Variants in RIMS3 observed in about 807,000 individuals in gnomAD.
RIMS3 encodes the protein regulating synaptic membrane exocytosis 3, also known as regulating synaptic membrane exocytosis protein 3.
Under a neutral mutation model 29.2 loss-of-function variants are expected in RIMS3, and 15 were observed. That is an observed-to-expected ratio of 0.51 (90% CI 0.34 to 0.79). RIMS3 has a LOEUF of 0.79. Ranked by LOEUF, RIMS3 falls within the 30% of genes least tolerant of loss-of-function variation. RIMS3 has a pLI of 0.01. For missense variants in RIMS3, 342 were observed against 421.4 expected, an observed-to-expected ratio of 0.81 and a Z score of 1.65; for synonymous variants, 161 against 170.1, an observed-to-expected ratio of 0.95 and a Z score of 0.41.
At chr1:40,680,558 C>T in the RIMS3 span, among the ~76,000 whole-genome samples, 1 of 152,064 alleles carries the variant, frequency 6.6e-6, no homozygotes, top group Non-Finnish European at 1.5e-5. Context: ...TCTTGAACTC[C>T]TGGCCTCAAG....
intron 3 of RIMS3, among the ~76,000 whole-genome samples, chr1:40,638,517 A>G (rs1440901990): frequency 6.6e-6 from 1 of 152,148 alleles, no homozygotes; most frequent in African/African-American, 2.4e-5. Flanking sequence ...ATCACAAACA[A>G]AGGAGGGGCA....
At chr1:40,691,754 C>T in the RIMS3 span, 4 of 455,442 alleles carry the variant, frequency 8.8e-6, no homozygotes, top group South Asian at 3.1e-5. Flanking sequence ...GCGCGCGCTC[C>T]GTTCTCCGTG....
At chr1:40,673,828 GTTTA>G in the RIMS3 span, among the ~76,000 whole-genome samples, 2 of 8,406 alleles carry the variant, frequency 2.4e-4, no homozygotes, top group African/African-American at 3.7e-3. Context: ...CTGCTGTGCT[GTTTA>G]TTATCTGTGG....
At chr1:40,626,849 A>T in intron 7 of RIMS3, 120 bp from the exon 8 acceptor site, 1 of 842,918 alleles carries the variant, frequency 1.2e-6, no homozygotes, top group Non-Finnish European at 2.0e-6. Context: ...CCAGAACTCA[A>T]GACTGATTTC....
chr1:40,685,871 C>A, the RIMS3 span, among the ~76,000 whole-genome samples: 1 of 151,982 alleles, frequency 6.6e-6, no homozygotes, highest in Non-Finnish European at 1.5e-5. Flanking sequence ...AGGCTGGACG[C>A]AGTGGCTTAC....
intron 1 of RIMS3, among the ~76,000 whole-genome samples, chr1:40,664,926 C>G (rs531319933): frequency 8.5e-5 from 13 of 152,270 alleles, no homozygotes; most frequent in African/African-American, 3.1e-4. Flanking sequence ...AAGCAGCACT[C>G]CTTTTCTTTT....
At chr1:40,689,186 C>T in the RIMS3 span, among the ~76,000 whole-genome samples, 708 of 152,316 alleles carry the variant, frequency 4.6e-3, no homozygotes, top group Non-Finnish European at 7.6e-3. Context: ...AGAGGGAGCT[C>T]TATTTAGGAC....
chr1:40,677,419 C>G, the RIMS3 span, among the ~76,000 whole-genome samples: 3 of 151,672 alleles, frequency 2.0e-5, no homozygotes, highest in Non-Finnish European at 4.4e-5. Context: ...TCACACTTGG[C>G]CGGGTGCGGT....
chr1:40,633,978 C>A lies in RIMS3; in HGVS notation c.360-797G>T, dbSNP rs80052094. ...AAAAGTTCCAGACAAACAGAAAGCA[C>A]TAAATGATAGTTCCGGTTGCTGCTG... On this transcript the variant is annotated intron_variant, in intron 4 of 7. Coordinates refer to ENST00000372684, the MANE Select transcript of RIMS3 (RefSeq NM_014747.3). Among the ~76,000 whole-genome samples the A allele has an allele frequency of 9.8e-3, 1,490 of 152,266 alleles. 20 individuals carry two copies. Among genetic ancestry groups the A allele is most frequent in the African/African-American group, 0.034 (1,396 of 41,540 alleles).
At chr1:40,632,421 TA>T (rs1557667040) in intron 5 of RIMS3, among the ~76,000 whole-genome samples, 31 of 6,312 alleles carry the variant, frequency 4.9e-3, no homozygotes, top group Middle Eastern at 0.062. Context: ...TATAAATTTA[TA>T]TATATATATA....
the RIMS3 span, chr1:40,687,516 C>G: frequency 6.7e-6 from 1 of 150,182 alleles, no homozygotes; most frequent in East Asian, 2.0e-4. Context: ...AAAGGAGAAT[C>G]GCTTGAACCC....
chr1:40,665,479 AC>A lies in RIMS3; in HGVS notation c.-293del. On this transcript the variant is annotated 5_prime_UTR_variant, in exon 1 of 8. Coordinates refer to ENST00000372684, the MANE Select transcript of RIMS3 (RefSeq NM_014747.3). ...AAGGCGGGGCAGGTGCTGCCCCGGG[AC>A]CCCGCCCCGCGAACCCGGCAGTAGG... The A allele has an allele frequency of 6.6e-6, 1 of 151,972 alleles. No individual in the cohort carries two copies. Among genetic ancestry groups the A allele is most frequent in the African/African-American group, 2.4e-5 (1 of 41,438 alleles). 9.4% of individuals were successfully genotyped at this position (151,972 alleles called of 1,614,324 possible). A position where few individuals can be genotyped will look rare whatever the true frequency, so the allele number is the denominator to read the frequency against.
intron 1 of RIMS3, among the ~76,000 whole-genome samples, chr1:40,662,654 C>T (rs1024689198): frequency 2.6e-5 from 4 of 152,304 alleles, no homozygotes; most frequent in East Asian, 3.9e-4. Context: ...GCTTCTTGAG[C>T]TCAAGCTATG....
At chr1:40,649,678 A>T (rs557897971) in intron 1 of RIMS3, among the ~76,000 whole-genome samples, 2 of 152,300 alleles carry the variant, frequency 1.3e-5, no homozygotes, top group South Asian at 4.1e-4. Context: ...CGGACAAAGG[A>T]GCTCATCGGT....
chr1:40,628,982 G>A, intron 6 of RIMS3, 33 bp from the exon 7 acceptor site: 1 of 1,612,256 alleles, frequency 6.2e-7, no homozygotes, highest in Non-Finnish European at 8.5e-7. Context: ...ACAGGGAGGG[G>A]TCCAGGACAG....
rs1646521808 is a variant in RIMS3 at position 40,636,568 on chromosome 1, C to T, written c.218-511G>A. On this transcript the variant is annotated intron_variant, in intron 3 of 7. Coordinates refer to ENST00000372684, the MANE Select transcript of RIMS3 (RefSeq NM_014747.3). This position sits in a 1 kb window ranked among gnomAD's most constrained non-coding sequence, Gnocchi z 4.2. ...CTCTGGAGGCTCTATAGGAAAGCCC[C>T]CATGGGAAGCCTGGCCACTCTCAAA... Among the ~76,000 whole-genome samples, 1 of 152,152 alleles carries T rather than the reference C, an allele frequency of 6.6e-6. No individual in the cohort carries two copies. The highest frequency in any genetic ancestry group is 2.1e-4 in the South Asian group (1 of 4,826).
chr1:40,689,703 G>C, the RIMS3 span, among the ~76,000 whole-genome samples: 8 of 152,178 alleles, frequency 5.3e-5, no homozygotes, highest in African/African-American at 1.9e-4. Flanking sequence ...CTTTAGAAAG[G>C]GAAGGGCGGA....
the RIMS3 span, among the ~76,000 whole-genome samples, chr1:40,683,409 G>C: frequency 6.6e-6 from 1 of 152,210 alleles, no homozygotes; most frequent in African/African-American, 2.4e-5. Context: ...GTGGACTCCA[G>C]ATAAAAGGAT....
At chr1:40,675,019 G>C in the RIMS3 span, among the ~76,000 whole-genome samples, 1 of 152,168 alleles carries the variant, frequency 6.6e-6, no homozygotes, top group Admixed American at 6.5e-5. Flanking sequence ...CCAGAACTTC[G>C]AGAGGTCAAG....
Sources: allele counts gnomAD v4.1 joint callset (sites outside exome capture counted in the v4.1 genomes callset), GRCh38; gene constraint gnomAD v4.1.1; non-coding constraint Gnocchi (gnomAD v3.1); transcripts MANE v1.5; gene names NCBI Gene and HGNC (gene_info 2026-07-23, HGNC 2026-07-21).